STAG2: variants seen among roughly 807,000 people sequenced by gnomAD.
The protein encoded by STAG2 is STAG2 cohesin complex component.
A neutral mutation model predicts 108.1 loss-of-function variants in STAG2; 14 were observed. The ratio of observed to expected loss-of-function variants is 0.13; its 90% CI spans 0.09 to 0.20. The LOEUF (loss-of-function observed/expected upper bound fraction) is 0.20. Among genes scored for constraint, STAG2 ranks in the 10% least tolerant of loss-of-function variants. The pLI, the probability that STAG2 is intolerant of heterozygous loss-of-function variation, is 1.00. For missense variants in STAG2, 440 were observed against 940.9 expected, an observed-to-expected ratio of 0.47 and a Z score of 6.96; for synonymous variants, 307 against 302.7, an observed-to-expected ratio of 1.01 and a Z score of -0.15.
At chrX:124,082,671 GGT>G (rs2058992611) in intron 28 of STAG2, among the ~76,000 whole-genome samples, 1 of 110,758 alleles carries the variant, frequency 9.0e-6, no homozygotes, top group African/African-American at 3.3e-5. Flanking sequence ...TAGGATTATA[GGT>G]GTGAACCACC....
chrX:123,981,650 GTCAC>G (rs2054881144), intron 1 of STAG2, among the ~76,000 whole-genome samples: 1 of 111,524 alleles, frequency 9.0e-6, no homozygotes, highest in African/African-American at 3.3e-5. Flanking sequence ...ATCTGTTCAA[GTCAC>G]TGCATTCGAT....
At chrX:124,043,382 C>T (rs1033359742) in intron 7 of STAG2, among the ~76,000 whole-genome samples, 8 of 110,907 alleles carry the variant, frequency 7.2e-5, no homozygotes, top group Middle Eastern at 4.6e-3. Flanking sequence ...AACTCATTAC[C>T]TCAAGTGACC....
At chrX:124,012,703 A>G (rs1205333767) in intron 1 of STAG2, among the ~76,000 whole-genome samples, 1 of 111,917 alleles carries the variant, frequency 8.9e-6, no homozygotes, top group Non-Finnish European at 1.9e-5. Flanking sequence ...AAAAAGAGGC[A>G]TTACATATTA....
chrX:124,012,298 A>G, intron 1 of STAG2, among the ~76,000 whole-genome samples: 1 of 111,993 alleles, frequency 8.9e-6, no homozygotes, highest in Non-Finnish European at 1.9e-5. Flanking sequence ...AATTTTTAAA[A>G]TGTAATTTGC....
rs751411598 is a variant in STAG2, at chrX:124,048,988, G to C, written c.820-17G>C. ...TCTTCCTTTACAATTGAAAAGAAAT[G>C]ATGTGTTTTTTTACAGCTTCAGGAA... On this transcript the variant is annotated splice_polypyrimidine_tract_variant and intron_variant, in intron 9 of 34. Coordinates refer to ENST00000371145, the MANE Select transcript of STAG2 (RefSeq NM_001042750.2). The C allele has an allele frequency of 8.6e-7, 1 of 1,157,609 alleles. No individual in the cohort carries two copies. Among genetic ancestry groups the C allele is most frequent in the Non-Finnish European group, 1.2e-6 (1 of 848,513 alleles).
At chrX:123,988,664 TA>T (rs1486014734) in intron 1 of STAG2, among the ~76,000 whole-genome samples, 2 of 111,933 alleles carry the variant, frequency 1.8e-5, no homozygotes, top group Admixed American at 9.6e-5. Flanking sequence ...ATTGCTTCCA[TA>T]AAAAAGACTG....
chrX:124,100,424 A>G, intron 34 of STAG2, 150 bp from the exon 35 acceptor site: 1 of 458,527 alleles, frequency 2.2e-6, no homozygotes, highest in Non-Finnish European at 3.8e-6. Context: ...TTAATTTTAG[A>G]ATTATACATC....
chrX:124,060,744 T>C (rs2058352736), intron 15 of STAG2, among the ~76,000 whole-genome samples: 1 of 108,337 alleles, frequency 9.2e-6, no homozygotes, highest in Admixed American at 1.0e-4. Flanking sequence ...GCCAACATGG[T>C]GAAACCTCAT....
chrX:123,982,734 C>CTT (rs1220083705), intron 1 of STAG2, among the ~76,000 whole-genome samples: 2 of 55,110 alleles, frequency 3.6e-5, no homozygotes, highest in Non-Finnish European at 7.1e-5. Flanking sequence ...ACACTTTAGT[C>CTT]TTTTTTTTTT....
At chrX:124,010,532 C>T (rs1423468560) in intron 1 of STAG2, among the ~76,000 whole-genome samples, 1 of 111,125 alleles carries the variant, frequency 9.0e-6, no homozygotes, top group Non-Finnish European at 1.9e-5. Context: ...TGTTCTATTC[C>T]ACTGGTCTAT....
At chrX:124,066,925 T>G (rs2058546664) in intron 23 of STAG2, among the ~76,000 whole-genome samples, 1 of 112,039 alleles carries the variant, frequency 8.9e-6, no homozygotes, top group African/African-American at 3.2e-5. Flanking sequence ...CCCATAATGA[T>G]AATCCTTAAT....
In STAG2 at chrX:124,101,158, C is replaced by A; in HGVS notation, c.*561C>A. 6.7e-6 allele frequency: 1 copy of A among 148,609 alleles called. No homozygotes were observed. The allele number at this position is 148,609 out of a possible 1,213,427, so 12.2% of individuals were successfully genotyped here. A position where few individuals can be genotyped will look rare whatever the true frequency, so the allele number is the denominator to read the frequency against. On this transcript the variant is annotated 3_prime_UTR_variant, in exon 35 of 35. Coordinates refer to ENST00000371145, the MANE Select transcript of STAG2 (RefSeq NM_001042750.2). ...TTGTGGAGAAAAGTAAACTTATAAG[C>A]AGAACTTTTACAATTTTTTCATCTA...
intron 1 of STAG2, among the ~76,000 whole-genome samples, chrX:123,997,748 C>G (rs1177282790): frequency 8.9e-6 from 1 of 111,999 alleles, no homozygotes; most frequent in African/African-American, 3.2e-5. Flanking sequence ...TCAAGTGATT[C>G]TCTCGCCTCG....
chrX:124,048,076 A>T (rs918955443), intron 9 of STAG2, among the ~76,000 whole-genome samples: 5 of 111,970 alleles, frequency 4.5e-5, no homozygotes, highest in African/African-American at 1.6e-4. Flanking sequence ...CTATCTCATA[A>T]TGGAGATGTT....
At chrX:124,032,714 A>G (rs760629875) in intron 5 of STAG2, among the ~76,000 whole-genome samples, 2 of 111,605 alleles carry the variant, frequency 1.8e-5, no homozygotes, top group Non-Finnish European at 3.8e-5. Flanking sequence ...GCGTTAATTC[A>G]CTTAGGATTA....
chrX:124,008,317 G>A (rs2056380485), intron 1 of STAG2, among the ~76,000 whole-genome samples: 1 of 107,620 alleles, frequency 9.3e-6, no homozygotes, highest in Non-Finnish European at 1.9e-5. Flanking sequence ...AGGTTCAAGC[G>A]ATTCTCCTGC....
chrX:124,051,881 C>T (rs777841303), intron 13 of STAG2, among the ~76,000 whole-genome samples: 2 of 112,577 alleles, frequency 1.8e-5, no homozygotes, highest in South Asian at 3.6e-4. Flanking sequence ...TGAGCCACTG[C>T]GCCTGACCGA....
At chrX:124,093,735 C>T (rs2059313990) in intron 32 of STAG2, among the ~76,000 whole-genome samples, 1 of 110,920 alleles carries the variant, frequency 9.0e-6, no homozygotes, top group Non-Finnish European at 1.9e-5. Context: ...CTTGTATGTT[C>T]CCATGTGGGA....
intron 1 of STAG2, among the ~76,000 whole-genome samples, chrX:124,001,904 TA>T (rs2056061033): frequency 8.9e-6 from 1 of 111,887 alleles, no homozygotes; most frequent in Non-Finnish European, 1.9e-5. Flanking sequence ...ACCCATGATA[TA>T]TACTCCCTTG....
Sources: allele counts gnomAD v4.1 joint callset (sites outside exome capture counted in the v4.1 genomes callset), GRCh38; gene constraint gnomAD v4.1.1; transcripts MANE v1.5; gene names NCBI Gene and HGNC (gene_info 2026-07-23, HGNC 2026-07-21).